Variants in AJAP1 observed in about 807,000 individuals in gnomAD.
The protein encoded by AJAP1 is adherens junctions associated protein 1.
AJAP1 carries 5 observed loss-of-function variants against 35.0 expected under a neutral mutation model. The ratio of observed to expected loss-of-function variants is 0.14; its 90% confidence interval spans 0.07 to 0.30. The LOEUF (loss-of-function observed/expected upper bound fraction) is 0.30, where lower values mean the gene tolerates loss of function less well. AJAP1 is among the 10% of genes least tolerant of loss of function. The pLI is 1.00. For missense variants in AJAP1, 586 were observed against 571.0 expected (o/e 1.03, Z -0.27); for synonymous variants, 284 against 249.3 (o/e 1.14, Z -1.31).
intron 2 of AJAP1, among the ~76,000 whole-genome samples, chr1:4,758,645 T>A (rs1641493359): frequency 6.6e-6 from 1 of 152,120 alleles, no homozygotes; most frequent in East Asian, 1.9e-4. Flanking sequence ...AAGTGGGGAT[T>A]ATGGGGCTTA....
At chr1:4,769,775 A>AGG in intron 2 of AJAP1, 78 bp from the exon 3 acceptor site, 1 of 1,258,912 alleles carries the variant, frequency 7.9e-7, no homozygotes, top group South Asian at 1.2e-5. Flanking sequence ...GGGGGGATGC[A>AGG]CCTCCACCTT....
rs1041174985 is a variant in AJAP1, at chr1:4,791,571, G to A, written c.*9086G>A. On this transcript the variant is annotated 3_prime_UTR_variant, in exon 6 of 6. Transcript: ENST00000378191. The stretch of plus-strand genomic sequence containing the variant: ...AAATGCATCTTTGCCAGCTGAACTT[G>A]TCATGCACTAAACTTCCCATTGATC... 2.0e-5 allele frequency: 3 copies of A among 152,206 alleles called. No individual in the cohort carries two copies. The highest frequency in any genetic ancestry group is 1.9e-4 in the East Asian group (1 of 5,198). 9.4% of individuals were successfully genotyped at this position (152,206 alleles called of 1,614,324 possible).
rs866637011 is a variant in AJAP1 at position 4,706,149 on chromosome 1, G to A, written c.30-5751G>A. ...GGGTAGACCCTGGGTCCTCGGGGAAGGGAGGTCCACTTCCTGGGTGGGGCC... is the reference window on the plus strand; with the variant it reads ...GGGTAGACCCTGGGTCCTCGGGGAAAGGAGGTCCACTTCCTGGGTGGGGCC... On this transcript the variant is annotated intron_variant, in intron 1 of 5. Coordinates refer to ENST00000378191, the MANE Select transcript of AJAP1 (RefSeq NM_018836.4). Among the ~76,000 whole-genome samples, 11 of 152,320 alleles carry A rather than the reference G, an allele frequency of 7.2e-5. No homozygotes were observed. The South Asian group carries it at 1.2e-3, about 17-fold the overall frequency.
chr1:4,730,847 T>C (rs1640780493), intron 2 of AJAP1, among the ~76,000 whole-genome samples: 1 of 152,152 alleles, frequency 6.6e-6, no homozygotes, highest in Non-Finnish European at 1.5e-5. Flanking sequence ...CTGCACTTGG[T>C]GCTCCAGTGT....
chr1:4,705,529 G>A (rs1188203666), intron 1 of AJAP1, among the ~76,000 whole-genome samples: 2 of 148,222 alleles, frequency 1.3e-5, no homozygotes, highest in Admixed American at 6.9e-5. Context: ...TGACAGCACT[G>A]GGCAAACGTC....
intron 2 of AJAP1, among the ~76,000 whole-genome samples, chr1:4,756,319 G>A (rs564887099): frequency 1.7e-4 from 26 of 152,206 alleles, no homozygotes; most frequent in Non-Finnish European, 2.9e-4. Flanking sequence ...TGTCCGCACC[G>A]TGGCATCCCT....
At chr1:4,754,362 G>T (rs1641381638) in intron 2 of AJAP1, among the ~76,000 whole-genome samples, 1 of 152,170 alleles carries the variant, frequency 6.6e-6, no homozygotes, top group Admixed American at 6.5e-5. Context: ...CTGGCCCTTT[G>T]CAGGAAAAGT....
At chr1:4,750,157 C>T (rs1641290000) in intron 2 of AJAP1, among the ~76,000 whole-genome samples, 1 of 151,286 alleles carries the variant, frequency 6.6e-6, no homozygotes, top group Non-Finnish European at 1.5e-5. Flanking sequence ...TGCATTTGTC[C>T]CTGGCCATGT....
At chr1:4,658,226 C>G (rs183515348) in intron 1 of AJAP1, among the ~76,000 whole-genome samples, 4 of 152,318 alleles carry the variant, frequency 2.6e-5, no homozygotes, top group African/African-American at 7.2e-5. Context: ...GAGCTCATTC[C>G]CAGCCCATGT....
intron 1 of AJAP1, among the ~76,000 whole-genome samples, chr1:4,702,822 G>A (rs1640017576): frequency 6.6e-6 from 1 of 152,200 alleles, no homozygotes; most frequent in Admixed American, 6.5e-5. Flanking sequence ...AGCTTCGTGG[G>A]CCTTGACCTC....
intron 1 of AJAP1, among the ~76,000 whole-genome samples, chr1:4,690,956 C>G (rs1271167109): frequency 1.3e-5 from 2 of 152,176 alleles, no homozygotes; most frequent in Non-Finnish European, 2.9e-5. Flanking sequence ...CTCAGCCTCA[C>G]AGAAGGGCAG....
rs150103129 is a variant in AJAP1, at chr1:4,702,714, G to A, written c.30-9186G>A. ...TGGTGTGCTGGGGCAGGGAGGAGGC[G>A]ATTTTGGCTCATGAGAGGAGCCTCC... On this transcript the variant is annotated intron_variant, in intron 1 of 5. Coordinates refer to ENST00000378191, the MANE Select transcript of AJAP1 (RefSeq NM_018836.4). Among the ~76,000 whole-genome samples the A allele has an allele frequency of 2.6e-4, 40 of 152,266 alleles. 1 individual carries two copies. The highest frequency in any genetic ancestry group is 8.4e-4 in the African/African-American group (35 of 41,570).
At chr1:4,689,310 G>T (rs554214023) in intron 1 of AJAP1, among the ~76,000 whole-genome samples, 3 of 152,182 alleles carry the variant, frequency 2.0e-5, no homozygotes, top group African/African-American at 7.2e-5. Flanking sequence ...AGGGTTGCCC[G>T]ATTAACAACT....
intron 1 of AJAP1, among the ~76,000 whole-genome samples, chr1:4,660,835 C>T (rs748375651): frequency 2.6e-5 from 4 of 152,178 alleles, no homozygotes; most frequent in African/African-American, 9.7e-5. Flanking sequence ...GATCCATCAT[C>T]GGTGACAGTA....
intron 2 of AJAP1, among the ~76,000 whole-genome samples, chr1:4,760,848 A>G (rs1345271989): frequency 6.6e-6 from 1 of 152,210 alleles, no homozygotes; most frequent in Middle Eastern, 3.2e-3. Context: ...GTGCCCCCCT[A>G]CAGTCATGCC....
At chr1:4,701,216 G>A (rs1371942032) in intron 1 of AJAP1, among the ~76,000 whole-genome samples, 3 of 152,216 alleles carry the variant, frequency 2.0e-5, no homozygotes, top group African/African-American at 7.2e-5. Flanking sequence ...GGAGTGCTGG[G>A]TGCTCCCGTG....
chr1:4,783,388 T>C lies in AJAP1; in HGVS notation c.*903T>C, dbSNP rs1642102630. 1 of 150,040 alleles carries C rather than the reference T, an allele frequency of 6.7e-6. No individual in the cohort carries two copies. The highest frequency in any genetic ancestry group is 2.0e-4 in the East Asian group (1 of 5,086). The allele number at this position is 150,040 out of a possible 1,614,324, so 9.3% of individuals were successfully genotyped here. On this transcript the variant is annotated 3_prime_UTR_variant, in exon 6 of 6. Coordinates refer to ENST00000378191, the MANE Select transcript of AJAP1 (RefSeq NM_018836.4). Reference sequence around the variant, plus strand: ...CCCTTAAATGACAGCCTGCATTTGCTAGACGGTTGGTGAGTGGCATCAAAT... The same window carrying C: ...CCCTTAAATGACAGCCTGCATTTGCCAGACGGTTGGTGAGTGGCATCAAAT...
chr1:4,722,112 A>G (rs1640531022), intron 2 of AJAP1, among the ~76,000 whole-genome samples: 1 of 152,216 alleles, frequency 6.6e-6, no homozygotes, highest in Non-Finnish European at 1.5e-5. Context: ...AAAATGGTGA[A>G]CAACTTTCAG....
intron 1 of AJAP1, among the ~76,000 whole-genome samples, chr1:4,669,602 T>G (rs1479875543): frequency 6.6e-6 from 1 of 152,184 alleles, no homozygotes; most frequent in Non-Finnish European, 1.5e-5. Context: ...CCGCCCTTGA[T>G]TGTGGGGATT....
Sources: gnomAD v4.1 joint callset for allele counts (sites outside exome capture counted in the v4.1 genomes callset) on GRCh38, gnomAD v4.1.1 for gene constraint, MANE v1.5 for transcripts, NCBI Gene and HGNC (gene_info 2026-07-23, HGNC 2026-07-21) for gene names.